LSM11: variants seen among roughly 807,000 people sequenced by gnomAD.
LSM11 encodes LSM11, U7 small nuclear RNA associated, also known as U7 snRNA-associated Sm-like protein LSm11.
LSM11 carries 14 observed loss-of-function variants against 28.1 expected under a neutral mutation model. The ratio of observed to expected loss-of-function variants is 0.50; its 90% CI spans 0.33 to 0.78. LSM11 has a LOEUF of 0.78. Among genes scored for constraint, LSM11 ranks in the 30% least tolerant of loss-of-function variants. The pLI is 0.02. For synonymous variants in LSM11, 207 were observed against 214.2 expected, an observed-to-expected ratio of 0.97 and a Z score of 0.30; for missense variants, 495 against 510.6, an observed-to-expected ratio of 0.97 and a Z score of 0.30.
chr5:157,744,236 C>T (rs943081442), intron 1 of LSM11, 38 bp downstream of exon 1: 8 of 1,240,368 alleles, frequency 6.4e-6, no homozygotes, highest in South Asian at 3.2e-5. Flanking sequence ...GGGCAGCCGC[C>T]GTCCGGAAGC....
rs1433901080 is a variant in LSM11 at position 157,757,798 on chromosome 5, AT to A, written c.*2535del. On this transcript the variant is annotated 3_prime_UTR_variant, in exon 4 of 4. Transcript: ENST00000286307. ...GAAATTTGGAATCCAACGGAATATA[AT>A]CAGTTTTCATTCATTCCAGTGCCTA... The A allele has an allele frequency of 6.6e-6, 1 of 152,224 alleles. No homozygotes were observed. Among genetic ancestry groups the A allele is most frequent in the Non-Finnish European group, 1.5e-5 (1 of 68,030 alleles). 9.4% of individuals were successfully genotyped at this position (152,224 alleles called of 1,614,324 possible). A position where few individuals can be genotyped will look rare whatever the true frequency, so the allele number is the denominator to read the frequency against.
intron 1 of LSM11, among the ~76,000 whole-genome samples, chr5:157,745,195 G>A (rs1761129834): frequency 6.6e-6 from 1 of 152,216 alleles, no homozygotes; most frequent in South Asian, 2.1e-4. Context: ...TGAACACAAT[G>A]ACCTACTTAG....
Position 157,755,381 on chromosome 5 carries a change from C to A in LSM11, c.*117C>A. The A allele has an allele frequency of 8.5e-7, 1 of 1,174,260 alleles. No homozygotes were observed. Among genetic ancestry groups the A allele is most frequent in the Non-Finnish European group, 1.2e-6 (1 of 842,372 alleles). The allele number at this position is 1,174,260 out of a possible 1,614,324, so 72.7% of individuals were successfully genotyped here. A position where few individuals can be genotyped will look rare whatever the true frequency, so the allele number is the denominator to read the frequency against. The stretch of plus-strand genomic sequence containing the variant: ...ATGATTCCCTCTGGTCCTGCATATG[C>A]AGAGGACGGAGCAGGCTCAGCCCCC... On this transcript the variant is annotated 3_prime_UTR_variant, in exon 4 of 4. Coordinates refer to ENST00000286307, the MANE Select transcript of LSM11 (RefSeq NM_173491.4).
Position 157,743,768 on chromosome 5 carries a change from G to A in LSM11, c.18G>A (p.Arg6=), listed in dbSNP as rs769814058. The change falls in exon 1 of 4, where the codon CGG becomes CGA. Residue 6 remains arginine, a synonymous_variant. Coordinates refer to ENST00000286307, the MANE Select transcript of LSM11 (RefSeq NM_173491.4). The part of the protein sequence containing the change: MEERE[R]GARSAGAGSP... ...TTTCAAACATGGAGGAGCGGGAGCGGGGGGCGAGGTCGGCTGGCGCCGGGA... is the reference window on the plus strand; with the variant it reads ...TTTCAAACATGGAGGAGCGGGAGCGAGGGGCGAGGTCGGCTGGCGCCGGGA... 3 of 1,407,154 alleles carry A rather than the reference G, an allele frequency of 2.1e-6. No homozygotes were observed. Among genetic ancestry groups the A allele is most frequent in the South Asian group, 1.5e-5 (1 of 67,278 alleles). 87.2% of individuals were successfully genotyped at this position (1,407,154 alleles called of 1,614,324 possible).
At chr5:157,749,903 C>A (rs966047556) in intron 1 of LSM11, among the ~76,000 whole-genome samples, 1 of 152,166 alleles carries the variant, frequency 6.6e-6, no homozygotes, top group Non-Finnish European at 1.5e-5. Context: ...ATTTAGTTAT[C>A]CAAACTGAAG....
chr5:157,744,396 G>A (rs758326402), intron 1 of LSM11, among the ~76,000 whole-genome samples, 198 bp downstream of exon 1: 12 of 152,148 alleles, frequency 7.9e-5, no homozygotes, highest in Non-Finnish European at 1.3e-4. Flanking sequence ...CGTGGGGAGG[G>A]TCACCCTGAG....
chr5:157,744,691 G>T (rs1360301573), intron 1 of LSM11, among the ~76,000 whole-genome samples: 1 of 152,136 alleles, frequency 6.6e-6, no homozygotes, highest in Non-Finnish European at 1.5e-5. Flanking sequence ...GGAGCGCACA[G>T]CCAATATTAG....
At chr5:157,750,941 C>A (rs989905516) in intron 1 of LSM11, among the ~76,000 whole-genome samples, 1 of 152,088 alleles carries the variant, frequency 6.6e-6, no homozygotes, top group African/African-American at 2.4e-5. Context: ...GCCACCATGC[C>A]TGGCTAATTT....
At chr5:157,744,413 A>G (rs539020331) in intron 1 of LSM11, among the ~76,000 whole-genome samples, 44 of 152,208 alleles carry the variant, frequency 2.9e-4, no homozygotes, top group African/African-American at 1.0e-3. Context: ...TGAGTAAGAA[A>G]AGGGGCTGTA....
intron 1 of LSM11, among the ~76,000 whole-genome samples, chr5:157,751,067 C>T (rs531316203): frequency 2.0e-5 from 3 of 152,292 alleles, no homozygotes; most frequent in Non-Finnish European, 2.9e-5. Context: ...CAGACGTGAG[C>T]CACCACGCCC....
chr5:157,755,026 C>T lies in LSM11; in HGVS notation c.845C>T (p.Pro282Leu). 6.2e-7 allele frequency: 1 copy of T among 1,614,194 alleles called. No individual in the cohort carries two copies. The highest frequency in any genetic ancestry group is 8.5e-7 in the Non-Finnish European group (1 of 1,180,026). Residue 282 changes from proline (P) to leucine (L), a missense_variant, in exon 4 of 4, where the codon CCT (proline) becomes CTT (leucine). Physicochemically the swap from Pro to Leu is moderately conservative, Grantham distance 98. Coordinates refer to ENST00000286307, the MANE Select transcript of LSM11 (RefSeq NM_173491.4). ...TCACACAAGCGTTCCCGCTCTGTCC[C>T]TTCTTCCCTGCAGGCCTCTGCAAGG... Reference protein sequence around the residue: ...RGSHKRSRSVPSSLQASAREE... With the variant: ...RGSHKRSRSVLSSLQASAREE...
rs1761380375 is a variant in LSM11 at position 157,759,611 on chromosome 5, G to C, written c.*4347G>C. 6.6e-6 allele frequency: 1 copy of C among 152,208 alleles called. No individual in the cohort carries two copies. The highest frequency in any genetic ancestry group is 2.1e-4 in the South Asian group (1 of 4,832). 9.4% of individuals were successfully genotyped at this position (152,208 alleles called of 1,614,324 possible). ...AAGGTTCATGTAAGAGTATCGTGGTGTAAATATAATGGTTTCACAGCTGTT... is the reference window on the plus strand; with the variant it reads ...AAGGTTCATGTAAGAGTATCGTGGTCTAAATATAATGGTTTCACAGCTGTT... On this transcript the variant is annotated 3_prime_UTR_variant, in exon 4 of 4. Coordinates refer to ENST00000286307, the MANE Select transcript of LSM11 (RefSeq NM_173491.4).
At position 157,744,178 on chromosome 5, in the gene LSM11, A is replaced by C; in HGVS notation, c.428A>C (p.Asn143Thr). Residue 143 changes from asparagine to threonine, a missense_variant, in exon 1 of 4, where the codon AAC becomes ACC. Physicochemically the swap from Asn to Thr is moderately conservative, Grantham distance 65. Coordinates refer to ENST00000286307, the MANE Select transcript of LSM11 (RefSeq NM_173491.4). ...GPGRSRKAPRNVLTRMPLHEG... is the reference protein window; with the variant it reads ...GPGRSRKAPRTVLTRMPLHEG... ...GGTCGGAGCAGGAAGGCGCCACGCA[A>C]CGTGCTCACGCGAATGCCCTGTGAG... 13 of 1,348,236 alleles carry C rather than the reference A, an allele frequency of 9.6e-6. No homozygotes were observed. Among genetic ancestry groups the C allele is most frequent in the Non-Finnish European group, 1.2e-5 (13 of 1,048,214 alleles). 83.5% of individuals were successfully genotyped at this position (1,348,236 alleles called of 1,614,324 possible). A position where few individuals can be genotyped will look rare whatever the true frequency, so the allele number is the denominator to read the frequency against.
chr5:157,744,346 C>A, intron 1 of LSM11, 148 bp downstream of exon 1: 1 of 532,232 alleles, frequency 1.9e-6, no homozygotes, highest in Non-Finnish European at 2.9e-6. Context: ...TCATCAGTGA[C>A]TATGGGGTGG....
chr5:157,755,441 G>T lies in LSM11; in HGVS notation c.*177G>T. On this transcript the variant is annotated 3_prime_UTR_variant, in exon 4 of 4. Transcript: ENST00000286307. ...AGCTCAAGGGGAGGACAGGCCTTGG[G>T]AGGGCAGGCGTTTGCATTAATATCA... is the stretch of plus-strand genomic sequence containing the variant. 1 of 656,770 alleles carries T rather than the reference G, an allele frequency of 1.5e-6. No homozygotes were observed. Among genetic ancestry groups the T allele is most frequent in the South Asian group, 2.1e-5 (1 of 48,594 alleles). The allele number at this position is 656,770 out of a possible 1,614,324, so 40.7% of individuals were successfully genotyped here.
Position 157,755,308 on chromosome 5 carries a change from A to G in LSM11, c.*44A>G. 1.3e-6 allele frequency: 2 copies of G among 1,568,678 alleles called. No homozygotes were observed. The highest frequency in any genetic ancestry group is 1.7e-5 in the Admixed American group (1 of 58,284). ...TGGTTTTTAGAAATAAAGTGCATGA[A>G]TTGCTGCTATGCTGTATCCTAGTAT... On this transcript the variant is annotated 3_prime_UTR_variant, in exon 4 of 4. Transcript: ENST00000286307.
In LSM11 at chr5:157,758,837, T is replaced by C. The variant is rs1218551552; in HGVS notation, c.*3573T>C. The stretch of plus-strand genomic sequence containing the variant: ...AGGTCTTCTCAAAAGTATCTACCTT[T>C]GTTAGATAATAACAAGTGATTAAGA... On this transcript the variant is annotated 3_prime_UTR_variant, in exon 4 of 4. Coordinates refer to ENST00000286307, the MANE Select transcript of LSM11 (RefSeq NM_173491.4). 6.6e-6 allele frequency: 1 copy of C among 152,248 alleles called. No individual in the cohort carries two copies. The highest frequency in any genetic ancestry group is 1.5e-5 in the Non-Finnish European group (1 of 68,048). 9.4% of individuals were successfully genotyped at this position (152,248 alleles called of 1,614,324 possible).
At chr5:157,749,566 A>G (rs997339753) in intron 1 of LSM11, among the ~76,000 whole-genome samples, 4 of 138,068 alleles carry the variant, frequency 2.9e-5, no homozygotes, top group Non-Finnish European at 6.2e-5. Context: ...CCTATAACAC[A>G]TATACACGCG....
chr5:157,748,412 C>T (rs998344542), intron 1 of LSM11, among the ~76,000 whole-genome samples: 4 of 152,128 alleles, frequency 2.6e-5, no homozygotes, highest in African/African-American at 9.7e-5. Context: ...TGATTAAACC[C>T]AGTTCTGGGA....
Sources: allele counts gnomAD v4.1 joint callset (sites outside exome capture counted in the v4.1 genomes callset), GRCh38; gene constraint gnomAD v4.1.1; transcripts MANE v1.5; gene names NCBI Gene and HGNC (gene_info 2026-07-23, HGNC 2026-07-21).